The following IMMP2L variants were observed in gnomAD, a reference collection of about 807,000 sequenced individuals.
IMMP2L encodes mitochondrial inner membrane protease subunit 2.
In IMMP2L, 18 loss-of-function variants were observed where a neutral mutation model predicts 19.3. That is an observed-to-expected ratio of 0.93 (90% CI 0.64 to 1.38). IMMP2L has a LOEUF of 1.38. Among genes scored for constraint, IMMP2L ranks in the 40% most tolerant of loss-of-function variants. The probability of loss-of-function intolerance (pLI) is 0.00; values close to 1 mark genes in which losing one functional copy is unlikely to be tolerated. For missense variants in IMMP2L, 233 were observed against 218.2 expected (o/e 1.07, Z -0.43); for synonymous variants, 76 against 73.0 (o/e 1.04, Z -0.21).
chr7:110,951,069 C>G (rs1380156630), intron 4 of IMMP2L, among the ~76,000 whole-genome samples: 2 of 151,124 alleles, frequency 1.3e-5, no homozygotes, highest in African/African-American at 4.9e-5. Flanking sequence ...GTATCTAAAC[C>G]ACTCAAACTC....
intron 3 of IMMP2L, among the ~76,000 whole-genome samples, chr7:111,467,371 C>T (rs1840773705): frequency 6.6e-6 from 1 of 152,056 alleles, no homozygotes; most frequent in African/African-American, 2.4e-5. Context: ...ATATACAGTC[C>T]AGAAATATAT....
chr7:110,919,852 G>A (rs868799242), intron 4 of IMMP2L, among the ~76,000 whole-genome samples: 6 of 152,186 alleles, frequency 3.9e-5, no homozygotes, highest in Admixed American at 1.3e-4. Context: ...CAATTGAGTC[G>A]GTGGACTGGG....
intron 5 of IMMP2L, among the ~76,000 whole-genome samples, chr7:110,882,322 TTCC>T (rs1563050756): frequency 7.5e-5 from 9 of 120,628 alleles, no homozygotes; most frequent in Non-Finnish European, 1.3e-4. Context: ...CCTTCCTTCC[TTCC>T]TTCCTTCCTT....
chr7:111,012,532 G>T (rs1437083245), intron 3 of IMMP2L, among the ~76,000 whole-genome samples: 1 of 152,072 alleles, frequency 6.6e-6, no homozygotes, highest in Non-Finnish European at 1.5e-5. Context: ...AGGGGCAAAT[G>T]AAACATAGTT....
intron 3 of IMMP2L, among the ~76,000 whole-genome samples, chr7:111,376,091 A>G (rs971216898): frequency 5.3e-5 from 8 of 152,086 alleles, no homozygotes; most frequent in Non-Finnish European, 1.2e-4. Context: ...TCTCAGTCCC[A>G]ATTTCTTACA....
chr7:111,419,351 G>A (rs1835263741), intron 3 of IMMP2L, among the ~76,000 whole-genome samples: 2 of 151,476 alleles, frequency 1.3e-5, no homozygotes, highest in African/African-American at 4.9e-5. Context: ...TTTTTTAAAA[G>A]GAAGAAAAAA....
intron 3 of IMMP2L, among the ~76,000 whole-genome samples, chr7:111,369,745 T>G (rs894615960): frequency 6.6e-6 from 1 of 152,006 alleles, no homozygotes; most frequent in Admixed American, 6.6e-5. Context: ...TAAAAAGCAA[T>G]GAGACTTTGT....
intron 5 of IMMP2L, among the ~76,000 whole-genome samples, chr7:110,846,207 C>T (rs1805642354): frequency 1.3e-5 from 2 of 151,954 alleles, no homozygotes; most frequent in African/African-American, 4.8e-5. Flanking sequence ...ATCATTTAAC[C>T]CCCAAGAAAA....
chr7:111,302,793 G>C (rs144695323), intron 3 of IMMP2L, among the ~76,000 whole-genome samples: 5 of 151,816 alleles, frequency 3.3e-5, no homozygotes, highest in Non-Finnish European at 7.4e-5. Context: ...AAGTTCCAAA[G>C]AAAAATATTG....
chr7:111,216,190 C>A (rs1021391814), intron 3 of IMMP2L, among the ~76,000 whole-genome samples: 3 of 152,042 alleles, frequency 2.0e-5, no homozygotes, highest in Non-Finnish European at 4.4e-5. Context: ...TCTCACTTTC[C>A]TTTGAGGAGG....
At chr7:110,733,952 G>T (rs998654074) in intron 5 of IMMP2L, among the ~76,000 whole-genome samples, 3 of 152,042 alleles carry the variant, frequency 2.0e-5, no homozygotes, top group Non-Finnish European at 4.4e-5. Flanking sequence ...CCTGAACAGT[G>T]AGAATTAAAT....
At chr7:110,690,037 G>A (rs1023085688) in intron 5 of IMMP2L, among the ~76,000 whole-genome samples, 1 of 152,176 alleles carries the variant, frequency 6.6e-6, no homozygotes, top group African/African-American at 2.4e-5. Context: ...AAGTTTCCTT[G>A]TATCTTGGGG....
intron 5 of IMMP2L, among the ~76,000 whole-genome samples, chr7:110,707,148 C>T (rs1794758151): frequency 1.3e-5 from 1 of 76,482 alleles, no homozygotes; most frequent in Admixed American, 1.3e-4. Flanking sequence ...AATGCTATCC[C>T]TCCCCCCTCC....
At chr7:111,310,223 A>T (rs547436689) in intron 3 of IMMP2L, among the ~76,000 whole-genome samples, 2 of 131,212 alleles carry the variant, frequency 1.5e-5, no homozygotes, top group Non-Finnish European at 3.4e-5. Flanking sequence ...ACAGAGCGAG[A>T]CTCCATCTCA....
In IMMP2L at chr7:111,547,877, C is replaced by T. The variant is rs1345746695; in HGVS notation, c.-3+13974G>A. 5.3e-5 allele frequency among the ~76,000 whole-genome samples: 8 copies of T among 152,044 alleles called. No individual in the cohort carries two copies. In the South Asian group the frequency reaches 1.7e-3, roughly 32 times the overall value. ...CTGGGACCAGAGGCACATGCCACCA[C>T]GTCCAGCTAATTTTTTGTATTTTTG... On this transcript the variant is annotated intron_variant, in intron 1 of 5. Coordinates refer to ENST00000405709, the MANE Select transcript of IMMP2L (RefSeq NM_032549.4).
At position 111,519,842 on chromosome 7, in the gene IMMP2L, G is replaced by A. The variant is rs138636351; in HGVS notation, c.135+1471C>T. On this transcript the variant is annotated intron_variant, in intron 2 of 5. Coordinates refer to ENST00000405709, the MANE Select transcript of IMMP2L (RefSeq NM_032549.4). The stretch of plus-strand genomic sequence containing the variant: ...AGTCCTTCTTAGAATAGTGATAGCT[G>A]TATAGCAAGACAGCAGTAACAAAAT... 5.8e-3 allele frequency among the ~76,000 whole-genome samples: 888 copies of A among 152,144 alleles called. 11 individuals are homozygous for A. The highest frequency in any genetic ancestry group is 0.02 in the African/African-American group (831 of 41,512).
In IMMP2L at chr7:111,126,804, A is replaced by C. The variant is rs966468435; in HGVS notation, c.240-163239T>G. ...CACAGTTTTTATAGGCAAATTGTTT[A>C]TCTCTCAAAGTTACAAAGCTTTCAT... On this transcript the variant is annotated intron_variant, in intron 3 of 5. Transcript: ENST00000405709. 2.0e-5 allele frequency among the ~76,000 whole-genome samples: 3 copies of C among 152,326 alleles called. No individual in the cohort carries two copies. In the East Asian group the frequency reaches 5.8e-4, roughly 29 times the overall value.
chr7:110,753,753 G>GT (rs1233722854), intron 5 of IMMP2L, among the ~76,000 whole-genome samples: 3,998 of 147,052 alleles, frequency 0.027, 85 homozygotes, highest in African/African-American at 0.054. Flanking sequence ...GTGAGTGTGG[G>GT]GTGTGTGTGT....
chr7:111,367,058 A>T (rs1043004688), intron 3 of IMMP2L, among the ~76,000 whole-genome samples: 2 of 151,720 alleles, frequency 1.3e-5, no homozygotes, highest in African/African-American at 4.8e-5. Context: ...AAATTCAGGT[A>T]CTGTGAGAGA....
Sources: allele counts gnomAD v4.1 joint callset (sites outside exome capture counted in the v4.1 genomes callset), GRCh38; gene constraint gnomAD v4.1.1; transcripts MANE v1.5; gene names NCBI Gene and HGNC (gene_info 2026-07-23, HGNC 2026-07-21).